Variants in SLC25A21 observed in about 807,000 individuals in gnomAD.
SLC25A21 encodes the protein mitochondrial 2-oxodicarboxylate carrier.
SLC25A21 carries 47 observed loss-of-function variants against 43.8 expected under a neutral mutation model. That is an observed-to-expected ratio of 1.07 (90% CI 0.85 to 1.37). SLC25A21 has a LOEUF of 1.37. Ranked by LOEUF, SLC25A21 falls within the 40% of genes most tolerant of loss-of-function variation. The pLI, the probability that SLC25A21 is intolerant of heterozygous loss-of-function variation, is 0.00. For synonymous variants in SLC25A21, 131 were observed against 121.3 expected (o/e 1.08, Z -0.52); for missense variants, 352 against 350.2 (o/e 1.00, Z -0.04).
chr14:36,964,184 A>G (rs1172232753), intron 1 of SLC25A21, among the ~76,000 whole-genome samples: 2 of 152,244 alleles, frequency 1.3e-5, no homozygotes. Context: ...TTATGAATCA[A>G]TAGCATATTT....
chr14:37,172,162 C>T (rs1325942343), intron 1 of SLC25A21, 119 bp downstream of exon 1: 4 of 1,061,768 alleles, frequency 3.8e-6, no homozygotes, highest in Non-Finnish European at 5.4e-6. Context: ...GCTCCGGGAG[C>T]GCTGAATTTT....
chr14:37,156,791 C>T (rs1168043934), intron 1 of SLC25A21, among the ~76,000 whole-genome samples: 2 of 152,044 alleles, frequency 1.3e-5, no homozygotes, highest in African/African-American at 4.8e-5. Context: ...GCAAATAAGA[C>T]TAGATCTAAA....
chr14:36,979,296 A>G (rs1959957086), intron 1 of SLC25A21, among the ~76,000 whole-genome samples: 1 of 151,492 alleles, frequency 6.6e-6, no homozygotes, highest in South Asian at 2.1e-4. Context: ...AGACTGTGAG[A>G]TAATCAAAAT....
intron 1 of SLC25A21, among the ~76,000 whole-genome samples, chr14:37,100,067 TG>T (rs1242960663): frequency 4.0e-5 from 6 of 151,798 alleles, no homozygotes; most frequent in South Asian, 2.1e-4. Flanking sequence ...TGTTTTCTTT[TG>T]TTTTTTTTGA....
chr14:36,746,464 G>A (rs1885500778), intron 3 of SLC25A21, among the ~76,000 whole-genome samples: 1 of 152,132 alleles, frequency 6.6e-6, no homozygotes, highest in Non-Finnish European at 1.5e-5. Context: ...GAGGATGGGA[G>A]AGGGGTGAGG....
intron 1 of SLC25A21, among the ~76,000 whole-genome samples, chr14:37,020,457 T>C (rs1351327002): frequency 6.6e-6 from 1 of 151,864 alleles, no homozygotes; most frequent in African/African-American, 2.4e-5. Flanking sequence ...TTTTTTTTTT[T>C]CAAATCACAG....
At chr14:36,886,813 C>G (rs972086373) in intron 1 of SLC25A21, among the ~76,000 whole-genome samples, 4 of 152,088 alleles carry the variant, frequency 2.6e-5, no homozygotes, top group African/African-American at 9.7e-5. Flanking sequence ...GGTATTTTAA[C>G]TCAATAGAAG....
chr14:37,070,742 C>T (rs942719978), intron 1 of SLC25A21, among the ~76,000 whole-genome samples: 6 of 152,098 alleles, frequency 3.9e-5, no homozygotes, highest in African/African-American at 1.4e-4. Context: ...TATTCTAAAA[C>T]AATTTCTAAG....
intron 1 of SLC25A21, among the ~76,000 whole-genome samples, chr14:36,991,314 A>G (rs142210302): frequency 0.013 from 1,931 of 152,216 alleles, 20 homozygotes; most frequent in Middle Eastern, 0.02. Context: ...CTTGGTTTTG[A>G]TTCCTCAAGC....
chr14:37,141,205 A>C (rs1489828653), intron 1 of SLC25A21, among the ~76,000 whole-genome samples: 22 of 152,202 alleles, frequency 1.4e-4, no homozygotes, highest in Admixed American at 1.4e-3. Context: ...TACGAGGAAG[A>C]AATTCAAGCT....
intron 3 of SLC25A21, among the ~76,000 whole-genome samples, chr14:36,777,704 G>A (rs967283687): frequency 6.6e-6 from 1 of 152,160 alleles, no homozygotes; most frequent in Non-Finnish European, 1.5e-5. Flanking sequence ...AAGTCCAGAA[G>A]GAACCAACCC....
intron 1 of SLC25A21, among the ~76,000 whole-genome samples, chr14:37,137,924 T>C (rs981235925): frequency 1.3e-5 from 2 of 152,240 alleles, no homozygotes; most frequent in Non-Finnish European, 2.9e-5. Flanking sequence ...AGGTGAATCA[T>C]CCATTAAGGA....
At chr14:37,161,962 CAAAAAAAAAA>C (rs36029964) in intron 1 of SLC25A21, among the ~76,000 whole-genome samples, 1 of 86,282 alleles carries the variant, frequency 1.2e-5, no homozygotes, top group African/African-American at 4.7e-5. Flanking sequence ...GACTCCGTCT[CAAAAAAAAAA>C]AAAAAAAAAA....
At chr14:36,760,367 G>GGAAA (rs1886102459) in intron 3 of SLC25A21, among the ~76,000 whole-genome samples, 1 of 151,710 alleles carries the variant, frequency 6.6e-6, no homozygotes, top group Non-Finnish European at 1.5e-5. Context: ...AAGGAAGGAA[G>GGAAA]GAAGGAAGGA....
At chr14:37,077,829 CA>C (rs1189695050) in intron 1 of SLC25A21, among the ~76,000 whole-genome samples, 2 of 151,968 alleles carry the variant, frequency 1.3e-5, no homozygotes, top group African/African-American at 4.8e-5. Flanking sequence ...CAAAATAAAA[CA>C]AAAGGCACTA....
intron 1 of SLC25A21, among the ~76,000 whole-genome samples, chr14:37,054,658 A>G (rs530726718): frequency 6.6e-6 from 1 of 152,312 alleles, no homozygotes; most frequent in South Asian, 2.1e-4. Flanking sequence ...GAGGTTGGAA[A>G]AAAGGTGTTG....
At chr14:37,015,188 C>T (rs1960823375) in intron 1 of SLC25A21, among the ~76,000 whole-genome samples, 1 of 110,876 alleles carries the variant, frequency 9.0e-6, no homozygotes, top group African/African-American at 3.4e-5. Context: ...CTATCCCTCC[C>T]CCCTCCCCCC....
At chr14:36,967,225 G>T (rs1294127997) in intron 1 of SLC25A21, among the ~76,000 whole-genome samples, 1 of 152,150 alleles carries the variant, frequency 6.6e-6, no homozygotes, top group Non-Finnish European at 1.5e-5. Context: ...GAAGTGGGGA[G>T]AAACAGACCT....
intron 1 of SLC25A21, among the ~76,000 whole-genome samples, chr14:36,986,504 T>C (rs538439279): frequency 5.9e-5 from 9 of 152,314 alleles, no homozygotes; most frequent in South Asian, 2.1e-4. Flanking sequence ...CACAATGCGG[T>C]TGCTTTCCTT....
Sources: allele counts gnomAD v4.1 joint callset (sites outside exome capture counted in the v4.1 genomes callset), GRCh38; gene constraint gnomAD v4.1.1; transcripts MANE v1.5; gene names NCBI Gene and HGNC (gene_info 2026-07-23, HGNC 2026-07-21).